The following CAST variants were observed in gnomAD, a reference collection of about 807,000 sequenced individuals.
CAST encodes the protein MIR583 host.
CAST carries 76 observed loss-of-function variants against 119.6 expected under a neutral mutation model. The observed-to-expected ratio is 0.64, with a 90% CI of 0.53 to 0.77. CAST has a LOEUF of 0.77. Among genes scored for constraint, CAST ranks in the 30% least tolerant of loss-of-function variants. The pLI, the probability that CAST is intolerant of heterozygous loss-of-function variation, is 0.00. For missense variants in CAST, 953 were observed against 946.5 expected (o/e 1.01, Z -0.09); for synonymous variants, 319 against 331.6 (o/e 0.96, Z 0.41).
At chr5:96,444,366 A>C in the CAST span, among the ~76,000 whole-genome samples, 1 of 152,204 alleles carries the variant, frequency 6.6e-6, no homozygotes, top group Non-Finnish European at 1.5e-5. Flanking sequence ...CTGACACTTA[A>C]AGTTTTACTG....
chr5:96,258,151 T>C, the CAST span, among the ~76,000 whole-genome samples: 1 of 152,192 alleles, frequency 6.6e-6, no homozygotes, highest in Non-Finnish European at 1.5e-5. Context: ...CATGCACTCT[T>C]GAAGTAAAGG....
At chr5:96,169,171 T>C in the CAST span, among the ~76,000 whole-genome samples, 1 of 152,164 alleles carries the variant, frequency 6.6e-6, no homozygotes, top group East Asian at 1.9e-4. Flanking sequence ...GCACGTGTGT[T>C]TTTATGAGAA....
intron 11 of CAST, among the ~76,000 whole-genome samples, chr5:96,739,189 A>T (rs1161628645): frequency 6.6e-6 from 1 of 152,200 alleles, no homozygotes; most frequent in African/African-American, 2.4e-5. Context: ...AAAGTCTGAC[A>T]ATTCCTATAG....
At chr5:96,109,096 G>T in the CAST span, among the ~76,000 whole-genome samples, 1 of 151,424 alleles carries the variant, frequency 6.6e-6, no homozygotes, top group Non-Finnish European at 1.5e-5. Context: ...CGCACGGTGC[G>T]TGCACCCACT....
chr5:96,388,303 T>C, the CAST span, among the ~76,000 whole-genome samples: 1,692 of 152,384 alleles, frequency 0.011, 31 homozygotes, highest in African/African-American at 0.039. Context: ...TAGACTGTTC[T>C]CTCTCAGGAT....
chr5:96,762,449 A>T (rs1768347571), intron 25 of CAST, 77 bp downstream of exon 25: 3 of 1,004,470 alleles, frequency 3.0e-6, no homozygotes, highest in Admixed American at 5.7e-5. Flanking sequence ...CGCCTGTTTA[A>T]AGCAAATGAA....
chr5:96,249,501 C>T, the CAST span, among the ~76,000 whole-genome samples: 1 of 152,216 alleles, frequency 6.6e-6, no homozygotes, highest in Admixed American at 6.5e-5. Flanking sequence ...CAGTGCCCTG[C>T]ACATAGTAAA....
chr5:96,560,325 G>A (rs1238055678), intron 1 of CAST, among the ~76,000 whole-genome samples: 1 of 151,986 alleles, frequency 6.6e-6, no homozygotes, highest in Non-Finnish European at 1.5e-5. Context: ...AACACCAAAA[G>A]CAATGGCAAC....
At chr5:96,011,190 T>C in the CAST span, among the ~76,000 whole-genome samples, 1 of 152,236 alleles carries the variant, frequency 6.6e-6, no homozygotes, top group Non-Finnish European at 1.5e-5. Context: ...TTTTTGATTA[T>C]GAAATTTCCT....
chr5:96,316,722 G>C, the CAST span, among the ~76,000 whole-genome samples: 17 of 152,152 alleles, frequency 1.1e-4, no homozygotes, highest in Non-Finnish European at 1.5e-5. Context: ...AATGATGCAA[G>C]AAGAGGACTC....
the CAST span, among the ~76,000 whole-genome samples, chr5:96,128,519 T>TAG: frequency 6.6e-6 from 1 of 152,060 alleles, no homozygotes; most frequent in African/African-American, 2.4e-5. Flanking sequence ...CCAAATTAGA[T>TAG]TTTCCCCTCA....
chr5:96,058,232 C>G, the CAST span, among the ~76,000 whole-genome samples: 1 of 152,110 alleles, frequency 6.6e-6, no homozygotes, highest in East Asian at 1.9e-4. Flanking sequence ...CAAAGAGTGT[C>G]TCACAGGATC....
chr5:96,703,154 G>A (rs1754218669), intron 3 of CAST, among the ~76,000 whole-genome samples: 1 of 152,194 alleles, frequency 6.6e-6, no homozygotes, highest in Non-Finnish European at 1.5e-5. Context: ...CCCTTCCGCC[G>A]GGAAATGTAT....
the CAST span, among the ~76,000 whole-genome samples, chr5:96,422,168 A>T: frequency 6.9e-6 from 1 of 144,950 alleles, no homozygotes; most frequent in Non-Finnish European, 1.5e-5. Context: ...GTGAGCCAGC[A>T]TTCAATTCTC....
chr5:96,154,104 C>T, the CAST span, among the ~76,000 whole-genome samples: 3 of 151,790 alleles, frequency 2.0e-5, no homozygotes, highest in African/African-American at 4.8e-5. Context: ...GGTGAAACCC[C>T]GTCTCTACTA....
the CAST span, among the ~76,000 whole-genome samples, chr5:96,488,774 C>A: frequency 6.6e-6 from 1 of 152,196 alleles, no homozygotes; most frequent in African/African-American, 2.4e-5. Flanking sequence ...AAAGTCTTCT[C>A]TTCCCAATGT....
chr5:96,765,896 G>A (rs1769767785), intron 26 of CAST, among the ~76,000 whole-genome samples, 157 bp from the exon 27 acceptor site: 1 of 152,138 alleles, frequency 6.6e-6, no homozygotes, highest in South Asian at 2.1e-4. Context: ...GCAGTCTGTT[G>A]AAGTCATCTG....
At chr5:96,201,838 C>T in the CAST span, among the ~76,000 whole-genome samples, 1 of 151,994 alleles carries the variant, frequency 6.6e-6, no homozygotes, top group Non-Finnish European at 1.5e-5. Flanking sequence ...CCTTGATGCC[C>T]CCAGGGCCCC....
At chr5:96,032,767 A>C in the CAST span, among the ~76,000 whole-genome samples, 1 of 152,246 alleles carries the variant, frequency 6.6e-6, no homozygotes, top group East Asian at 1.9e-4. Flanking sequence ...ACTTCTCTAA[A>C]GGAGGATTTC....
Sources: allele counts gnomAD v4.1 joint callset (sites outside exome capture counted in the v4.1 genomes callset), GRCh38; gene constraint gnomAD v4.1.1; transcripts MANE v1.5; gene names NCBI Gene and HGNC (gene_info 2026-07-23, HGNC 2026-07-21).